Variants in MEF2A observed in about 807,000 individuals in gnomAD.
MEF2A encodes myocyte-specific enhancer factor 2A.
A neutral mutation model predicts 55.8 loss-of-function variants in MEF2A; 28 were observed. The observed-to-expected ratio is 0.50, with a 90% CI of 0.37 to 0.69. MEF2A has a LOEUF of 0.69. Ranked by LOEUF, MEF2A falls within the 30% of genes least tolerant of loss-of-function variation. The pLI is 0.00. For synonymous variants in MEF2A, 239 were observed against 227.1 expected, an observed-to-expected ratio of 1.05 and a Z score of -0.47; for missense variants, 528 against 626.2, an observed-to-expected ratio of 0.84 and a Z score of 1.67.
intron 3 of MEF2A, among the ~76,000 whole-genome samples, chr15:99,638,445 A>T (rs1001520950): frequency 6.6e-6 from 1 of 152,028 alleles, no homozygotes; most frequent in Admixed American, 6.5e-5. Context: ...TTTGTATCCC[A>T]TACATTTCTT....
intron 4 of MEF2A, among the ~76,000 whole-genome samples, chr15:99,662,921 G>T (rs1236428035): frequency 6.6e-6 from 1 of 152,146 alleles, no homozygotes; most frequent in East Asian, 1.9e-4. Context: ...TTTTTTGTGG[G>T]TTTATTTAAT....
chr15:99,592,784 C>T (rs1015441048), intron 1 of MEF2A, among the ~76,000 whole-genome samples: 4 of 152,062 alleles, frequency 2.6e-5, no homozygotes, highest in African/African-American at 9.7e-5. Context: ...GGCACCAAGT[C>T]GTTCATGAGA....
chr15:99,700,507 G>C (rs993441613), intron 8 of MEF2A, among the ~76,000 whole-genome samples: 7 of 151,612 alleles, frequency 4.6e-5, no homozygotes, highest in African/African-American at 1.5e-4. Context: ...GCGAGACCCT[G>C]TCACACACAC....
At chr15:99,656,651 A>G (rs533418652) in intron 4 of MEF2A, among the ~76,000 whole-genome samples, 6 of 152,170 alleles carry the variant, frequency 3.9e-5, no homozygotes, top group Non-Finnish European at 5.9e-5. Flanking sequence ...TCAGGTTAAT[A>G]CTGTAGTAGT....
chr15:99,661,145 G>C (rs1378348634), intron 4 of MEF2A, among the ~76,000 whole-genome samples: 1 of 152,128 alleles, frequency 6.6e-6, no homozygotes, highest in East Asian at 1.9e-4. Context: ...TTAAGCAGTG[G>C]TATAGGGACA....
chr15:99,702,961 G>A (rs1019225687), intron 8 of MEF2A, among the ~76,000 whole-genome samples: 1 of 152,176 alleles, frequency 6.6e-6, no homozygotes, highest in African/African-American at 2.4e-5. Flanking sequence ...GTATCACCAG[G>A]TGGGGTAATA....
At chr15:99,568,165 A>G (rs1218018896) in intron 1 of MEF2A, among the ~76,000 whole-genome samples, 1 of 152,246 alleles carries the variant, frequency 6.6e-6, no homozygotes, top group African/African-American at 2.4e-5. Context: ...ACTTGCCTTC[A>G]AAAGTTTTTT....
rs368993686 is a variant in MEF2A, at chr15:99,697,720, C to A, written c.859-5642C>A. Reference sequence around the variant, plus strand: ...CAGCAAGCTCTTTTGTAGTTACTAACAAGCTGATTCTAAAATATATAGGTA... The same window carrying A: ...CAGCAAGCTCTTTTGTAGTTACTAAAAAGCTGATTCTAAAATATATAGGTA... On this transcript the variant is annotated intron_variant, in intron 8 of 11. Coordinates refer to ENST00000557942, the MANE Select transcript of MEF2A (RefSeq NM_001319206.4). Among the ~76,000 whole-genome samples the A allele has an allele frequency of 2.7e-4, 41 of 152,220 alleles. 1 individual carries two copies. The East Asian group carries it at 7.5e-3, about 28-fold the overall frequency.
In MEF2A at chr15:99,637,443, T is replaced by C. The variant is rs184068098; in HGVS notation, c.54+4270T>C. ...TCTAAAGCATTATTAACATTTCTTC[T>C]CAAATTTTATTTTCTGCATATTTGC... On this transcript the variant is annotated intron_variant, in intron 3 of 11. Transcript: ENST00000557942. 3.0e-3 allele frequency among the ~76,000 whole-genome samples: 453 copies of C among 152,332 alleles called. 4 individuals are homozygous for C. The highest frequency in any genetic ancestry group is 0.01 in the African/African-American group (424 of 41,574).
intron 5 of MEF2A, among the ~76,000 whole-genome samples, chr15:99,673,192 T>G (rs1323092768): frequency 6.6e-6 from 1 of 152,150 alleles, no homozygotes; most frequent in African/African-American, 2.4e-5. Flanking sequence ...GATTTTCAGA[T>G]TAGGGATGCT....
chr15:99,674,890 T>G (rs2051622175), intron 6 of MEF2A, among the ~76,000 whole-genome samples: 1 of 152,164 alleles, frequency 6.6e-6, no homozygotes, highest in Non-Finnish European at 1.5e-5. Flanking sequence ...TAGTTAGATA[T>G]CAGAAGCAAG....
In MEF2A at chr15:99,689,573, C is replaced by T. The variant is rs542574868; in HGVS notation, c.671-668C>T. Among the ~76,000 whole-genome samples, 12 of 152,224 alleles carry T rather than the reference C, an allele frequency of 7.9e-5. No individual in the cohort carries two copies. The South Asian group carries it at 1.5e-3, about 18-fold the overall frequency. On this transcript the variant is annotated intron_variant, in intron 7 of 11. Coordinates refer to ENST00000557942, the MANE Select transcript of MEF2A (RefSeq NM_001319206.4). Reference sequence around the variant, plus strand: ...TCAGCTCACGGCAACCTCCGTCTCCCGGGTTCAAGTGATTCTCCTGCCTCA... The same window carrying T: ...TCAGCTCACGGCAACCTCCGTCTCCTGGGTTCAAGTGATTCTCCTGCCTCA...
At chr15:99,607,778 T>C (rs1230722773) in intron 2 of MEF2A, among the ~76,000 whole-genome samples, 1 of 152,204 alleles carries the variant, frequency 6.6e-6, no homozygotes, top group Non-Finnish European at 1.5e-5. Context: ...TTGTTCTTTA[T>C]GTTGGTGTAA....
chr15:99,617,542 C>T (rs1003897269), intron 2 of MEF2A, among the ~76,000 whole-genome samples: 6 of 152,114 alleles, frequency 3.9e-5, no homozygotes, highest in Non-Finnish European at 7.4e-5. Flanking sequence ...ATAATCAGCT[C>T]TTAAATTATC....
intron 3 of MEF2A, among the ~76,000 whole-genome samples, chr15:99,639,488 C>A (rs2044496822): frequency 6.6e-6 from 1 of 152,168 alleles, no homozygotes; most frequent in African/African-American, 2.4e-5. Context: ...TATCAAAGAA[C>A]AACTATGTTG....
At chr15:99,686,269 T>C (rs2054191939) in intron 7 of MEF2A, among the ~76,000 whole-genome samples, 1 of 152,194 alleles carries the variant, frequency 6.6e-6, no homozygotes, top group Non-Finnish European at 1.5e-5. Flanking sequence ...TTAATCATTG[T>C]GTTAGTTGTT....
At chr15:99,567,799 T>A (rs1567125235) in intron 1 of MEF2A, among the ~76,000 whole-genome samples, 2 of 152,292 alleles carry the variant, frequency 1.3e-5, no homozygotes, top group East Asian at 3.9e-4. Context: ...CACCTGTATA[T>A]CATAAAACAT....
intron 1 of MEF2A, among the ~76,000 whole-genome samples, chr15:99,582,163 T>C (rs940757043): frequency 1.3e-4 from 19 of 151,918 alleles, no homozygotes; most frequent in African/African-American, 4.6e-4. Context: ...GAAGATAATG[T>C]ATATGTCCTT....
At chr15:99,573,303 AAAAAG>A (rs1341293703) in intron 1 of MEF2A, among the ~76,000 whole-genome samples, 1 of 152,024 alleles carries the variant, frequency 6.6e-6, no homozygotes, top group African/African-American at 2.4e-5. Context: ...AAAAAAAAAA[AAAAAG>A]AAGTTGTCCT....
Sources: allele counts gnomAD v4.1 joint callset (sites outside exome capture counted in the v4.1 genomes callset), GRCh38; gene constraint gnomAD v4.1.1; transcripts MANE v1.5; gene names NCBI Gene and HGNC (gene_info 2026-07-23, HGNC 2026-07-21).